FAM222B: variants seen among roughly 807,000 people sequenced by gnomAD.
The protein encoded by FAM222B is protein FAM222B.
FAM222B carries 12 observed loss-of-function variants against 38.0 expected under a neutral mutation model. The observed-to-expected ratio is 0.32, with a 90% CI of 0.20 to 0.51. The LOEUF (loss-of-function observed/expected upper bound fraction) is 0.51, where lower values mean the gene tolerates loss of function less well. Ranked by LOEUF, FAM222B falls within the 20% of genes least tolerant of loss-of-function variation. The pLI is 0.97. For missense variants in FAM222B, 716 were observed against 754.2 expected, an observed-to-expected ratio of 0.95 and a Z score of 0.59; for synonymous variants, 329 against 317.2, an observed-to-expected ratio of 1.04 and a Z score of -0.40.
chr17:28,825,816 C>T (rs1004724873), intron 1 of FAM222B, among the ~76,000 whole-genome samples: 4 of 152,148 alleles, frequency 2.6e-5, no homozygotes, highest in Non-Finnish European at 4.4e-5. Context: ...CGCTCTGTCT[C>T]GCAGGCTGGA....
intron 1 of FAM222B, among the ~76,000 whole-genome samples, chr17:28,784,068 A>G (rs9890195): frequency 0.19 from 28,728 of 152,024 alleles, 2,845 homozygotes; most frequent in South Asian, 0.3. Flanking sequence ...CCAAAGTGCT[A>G]GGATTACAGG....
chr17:28,765,317 A>G (rs2035277794), intron 2 of FAM222B, among the ~76,000 whole-genome samples: 1 of 152,170 alleles, frequency 6.6e-6, no homozygotes, highest in South Asian at 2.1e-4. Context: ...GTTTTTTTGT[A>G]AAAAAGTTTC....
At chr17:28,836,616 G>C (rs951242302) in intron 1 of FAM222B, among the ~76,000 whole-genome samples, 3 of 152,024 alleles carry the variant, frequency 2.0e-5, no homozygotes, top group African/African-American at 7.3e-5. Flanking sequence ...AGCAAGCAGG[G>C]GGTACGTGAC....
At chr17:28,815,702 C>T (rs773005978) in intron 1 of FAM222B, among the ~76,000 whole-genome samples, 7 of 152,112 alleles carry the variant, frequency 4.6e-5, no homozygotes, top group Non-Finnish European at 1.0e-4. Flanking sequence ...TGATGACTCA[C>T]GACTGTAACT....
intron 1 of FAM222B, among the ~76,000 whole-genome samples, chr17:28,796,836 A>G (rs547255953): frequency 3.3e-5 from 5 of 152,220 alleles, no homozygotes; most frequent in Non-Finnish European, 7.4e-5. Context: ...GACGGCAGTT[A>G]TAACTATTAT....
chr17:28,848,826 A>G (rs2039162223), intron 1 of FAM222B: 2 of 152,090 alleles, frequency 1.3e-5, no homozygotes, highest in African/African-American at 2.4e-5. Flanking sequence ...ATATAGGAAT[A>G]TATGTTGTTG....
chr17:28,769,166 TGTTA>T (rs1479050963), intron 1 of FAM222B, among the ~76,000 whole-genome samples: 16 of 147,164 alleles, frequency 1.1e-4, no homozygotes, highest in Admixed American at 2.8e-4. Context: ...TATTCAGCAA[TGTTA>T]GTTCTTTTTT....
At chr17:28,824,516 C>G (rs1463213218) in intron 1 of FAM222B, among the ~76,000 whole-genome samples, 1 of 152,042 alleles carries the variant, frequency 6.6e-6, no homozygotes, top group Non-Finnish European at 1.5e-5. Flanking sequence ...GCTAGTCTTA[C>G]CCATATCAAT....
At chr17:28,807,903 G>C (rs2037567256) in intron 1 of FAM222B, among the ~76,000 whole-genome samples, 1 of 152,184 alleles carries the variant, frequency 6.6e-6, no homozygotes, top group Non-Finnish European at 1.5e-5. Context: ...CAAAAAGATG[G>C]ATTAAAAGTT....
chr17:28,851,632 C>A (rs2039181831), intron 1 of FAM222B, among the ~76,000 whole-genome samples: 1 of 151,932 alleles, frequency 6.6e-6, no homozygotes, highest in South Asian at 2.1e-4. Context: ...AATCCCAGCA[C>A]TTTGGGACGC....
chr17:28,822,225 C>T (rs12051863), intron 1 of FAM222B, among the ~76,000 whole-genome samples: 149,204 of 150,402 alleles, frequency 0.99, 74,083 homozygotes, highest in Middle Eastern at 1. Flanking sequence ...TTTCACCATA[C>T]TGGCCAGGAT....
chr17:28,764,753 AT>A (rs576285059), intron 2 of FAM222B, among the ~76,000 whole-genome samples: 39 of 152,264 alleles, frequency 2.6e-4, no homozygotes, highest in African/African-American at 3.8e-4. Flanking sequence ...TCTAAAAAAA[AT>A]AATTAAAAAA....
chr17:28,786,796 T>G (rs1234279090), intron 1 of FAM222B, among the ~76,000 whole-genome samples: 2 of 151,986 alleles, frequency 1.3e-5, no homozygotes, highest in African/African-American at 4.8e-5. Flanking sequence ...GCACAACGCC[T>G]TGCCATACAT....
chr17:28,854,810 G>A, intron 1 of FAM222B: 1 of 476,092 alleles, frequency 2.1e-6, no homozygotes, highest in Non-Finnish European at 3.7e-6. Context: ...CGTTGTGTAT[G>A]GGAGTCCAAA....
intron 1 of FAM222B, among the ~76,000 whole-genome samples, chr17:28,820,950 C>CTTTTTTTTTTTTTTTTTTTT (rs1456864304): frequency 6.9e-6 from 1 of 144,306 alleles, no homozygotes; most frequent in Non-Finnish European, 1.5e-5. Context: ...TGGTAAAACT[C>CTTTTTTTTTTTTTTTTTTTT]TTTTTATTTT....
chr17:28,819,363 A>G (rs1013258608), intron 1 of FAM222B, among the ~76,000 whole-genome samples: 2 of 152,216 alleles, frequency 1.3e-5, no homozygotes, highest in African/African-American at 4.8e-5. Context: ...TTCAAAGAAT[A>G]TGAGATAGTA....
At chr17:28,801,385 C>G (rs1361965240) in intron 1 of FAM222B, among the ~76,000 whole-genome samples, 9 of 137,634 alleles carry the variant, frequency 6.5e-5, no homozygotes, top group South Asian at 4.9e-4. Flanking sequence ...CCCCGGGGGG[C>G]GGAGGCTGCA....
intron 1 of FAM222B, among the ~76,000 whole-genome samples, chr17:28,768,644 G>A (rs567055941): frequency 2.6e-5 from 4 of 151,918 alleles, no homozygotes; most frequent in South Asian, 2.1e-4. Flanking sequence ...CGAGAACAGC[G>A]TGGCCAACGT....
At position 28,756,297 on chromosome 17, in the gene FAM222B, A is replaced by T. The variant is rs2034686286; in HGVS notation, c.*1973T>A. On this transcript the variant is annotated 3_prime_UTR_variant, in exon 3 of 3. Coordinates refer to ENST00000581407, the MANE Select transcript of FAM222B (RefSeq NM_001077498.3). ...GGGGATCACAGTACATTTTCCATGC[A>T]GACTAAGGGTGGGAGTGAGAGCTTC... is the stretch of plus-strand genomic sequence containing the variant. The T allele has an allele frequency of 6.6e-6, 1 of 152,642 alleles. No individual in the cohort carries two copies. The highest frequency in any genetic ancestry group is 2.4e-5 in the African/African-American group (1 of 41,416). The allele number at this position is 152,642 out of a possible 1,614,324, so 9.5% of individuals were successfully genotyped here. A position where few individuals can be genotyped will look rare whatever the true frequency, so the allele number is the denominator to read the frequency against.
Sources: allele counts gnomAD v4.1 joint callset (sites outside exome capture counted in the v4.1 genomes callset), GRCh38; gene constraint gnomAD v4.1.1; transcripts MANE v1.5; gene names NCBI Gene and HGNC (gene_info 2026-07-23, HGNC 2026-07-21).